SKIDA1: variants seen among roughly 807,000 people sequenced by gnomAD.
SKIDA1 encodes SKI/DACH domain containing 1.
Under a neutral mutation model 51.4 loss-of-function variants are expected in SKIDA1, and 18 were observed. The observed-to-expected ratio is 0.35, with a 90% CI of 0.24 to 0.52. The LOEUF (loss-of-function observed/expected upper bound fraction) is 0.52, where lower values mean the gene tolerates loss of function less well. Among genes scored for constraint, SKIDA1 ranks in the 20% least tolerant of loss-of-function variants. SKIDA1 has a pLI of 0.95. For synonymous variants in SKIDA1, 579 were observed against 500.5 expected (o/e 1.16, Z -2.09); for missense variants, 1,104 against 1,180.6 (o/e 0.94, Z 0.95).
In SKIDA1 at chr10:21,514,964, C is replaced by T. The variant is rs1264238365; in HGVS notation, c.*132G>A. On this transcript the variant is annotated 3_prime_UTR_variant, in exon 4 of 4. Coordinates refer to ENST00000449193, the MANE Select transcript of SKIDA1 (RefSeq NM_207371.4). Reference sequence around the variant, plus strand: ...CAACGGAAAAAAAGTAATCCGATTTCTGTCTTCAAAATGCGATAAACCAGG... The same window carrying T: ...CAACGGAAAAAAAGTAATCCGATTTTTGTCTTCAAAATGCGATAAACCAGG... 1.2e-6 allele frequency: 1 copy of T among 845,584 alleles called. No homozygotes were observed. Among genetic ancestry groups the T allele is most frequent in the Non-Finnish European group, 1.4e-6 (1 of 711,218 alleles). 52.4% of individuals were successfully genotyped at this position (845,584 alleles called of 1,614,324 possible). A position where few individuals can be genotyped will look rare whatever the true frequency, so the allele number is the denominator to read the frequency against.
rs1025909689 is a variant in SKIDA1, at chr10:21,514,191, G to C, written c.*905C>G. On this transcript the variant is annotated 3_prime_UTR_variant, in exon 4 of 4. Coordinates refer to ENST00000449193, the MANE Select transcript of SKIDA1 (RefSeq NM_207371.4). ...GATTGTGCCACTGCACTCCAGCCTG[G>C]GCGACACAGCGAGACTCTCTCCAAA... 1 of 144,214 alleles carries C rather than the reference G, an allele frequency of 6.9e-6. No homozygotes were observed. Among genetic ancestry groups the C allele is most frequent in the African/African-American group, 2.6e-5 (1 of 38,326 alleles). 8.9% of individuals were successfully genotyped at this position (144,214 alleles called of 1,614,324 possible). A position where few individuals can be genotyped will look rare whatever the true frequency, so the allele number is the denominator to read the frequency against.
In SKIDA1 at chr10:21,518,114, G is replaced by A; in HGVS notation, c.-292C>T. ...ACCATCCGGTTTCTGATCTGCCAGTGTGTTGGTCTGAGTCCCCGATGCAGA... is the reference window on the plus strand; with the variant it reads ...ACCATCCGGTTTCTGATCTGCCAGTATGTTGGTCTGAGTCCCCGATGCAGA... On this transcript the variant is annotated 5_prime_UTR_variant, in exon 4 of 4. Coordinates refer to ENST00000449193, the MANE Select transcript of SKIDA1 (RefSeq NM_207371.4). The A allele has an allele frequency of 2.8e-6, 1 of 352,484 alleles. No homozygotes were observed. The highest frequency in any genetic ancestry group is 5.5e-6 in the Non-Finnish European group (1 of 182,982). The allele number at this position is 352,484 out of a possible 1,614,324, so 21.8% of individuals were successfully genotyped here.
chr10:21,517,106 GGCGGCGGCGGCGGCA>G lies in SKIDA1; in HGVS notation c.702_716del (p.Ala240_Ala244del), dbSNP rs2032256847. On this transcript the variant is annotated inframe_deletion, in exon 4 of 4. Coordinates refer to ENST00000449193, the MANE Select transcript of SKIDA1 (RefSeq NM_207371.4). The surrounding 1 kb of genome is among the most constrained non-coding windows in gnomAD (Gnocchi z 6.9). ...CCTGGTAATAGGCGGCGGCGGCGGC[GGCGGCGGCGGCGGCA>G]GCAGCGGCGGCGGCGGCGGCGGCGG... 2 of 1,005,168 alleles carry G rather than the reference GGCGGCGGCGGCGGCA, an allele frequency of 2.0e-6. No individual in the cohort carries two copies. The highest frequency in any genetic ancestry group is 5.0e-4 in the Middle Eastern group (1 of 1,988). 62.3% of individuals were successfully genotyped at this position (1,005,168 alleles called of 1,614,324 possible).
Position 21,516,428 on chromosome 10 carries a change from T to G in SKIDA1, c.1395A>C (p.Arg465=). The G allele has an allele frequency of 6.2e-7, 1 of 1,613,196 alleles. No homozygotes were observed. Among genetic ancestry groups the G allele is most frequent in the African/African-American group, 1.3e-5 (1 of 75,012 alleles). Residue 465 remains arginine, a synonymous_variant, in exon 4 of 4, where the codon CGA becomes CGC. Coordinates refer to ENST00000449193, the MANE Select transcript of SKIDA1 (RefSeq NM_207371.4). The surrounding 1 kb of genome is among the most constrained non-coding windows in gnomAD (Gnocchi z 5.7). ...GSSQVSVQSI[R]FRRTSFCKPP... is the part of the protein sequence containing the mutation. ...GCTTGCAGAAGCTGGTGCGCCTGAA[T>G]CGGATGCTCTGCACTGACACTTGGC... is the stretch of plus-strand genomic sequence containing the variant.
Position 21,514,674 on chromosome 10 carries a change from AAC to A in SKIDA1, c.*420_*421del, listed in dbSNP as rs1461580974. ...TAACCTAACAAACTTTCACTGAATT[AAC>A]AGTTACACTTTCAGCTCTGAAATCT... is the stretch of plus-strand genomic sequence containing the variant. On this transcript the variant is annotated 3_prime_UTR_variant, in exon 4 of 4. Coordinates refer to ENST00000449193, the MANE Select transcript of SKIDA1 (RefSeq NM_207371.4). 6.3e-6 allele frequency: 1 copy of A among 157,818 alleles called. No homozygotes were observed. The highest frequency in any genetic ancestry group is 2.4e-5 in the African/African-American group (1 of 41,482). 9.8% of individuals were successfully genotyped at this position (157,818 alleles called of 1,614,324 possible). A position where few individuals can be genotyped will look rare whatever the true frequency, so the allele number is the denominator to read the frequency against.
At position 21,515,350 on chromosome 10, in the gene SKIDA1, C is replaced by T. The variant is rs1417101597; in HGVS notation, c.2473G>A (p.Val825Ile). The T allele has an allele frequency of 6.2e-7, 1 of 1,614,020 alleles. No homozygotes were observed. The highest frequency in any genetic ancestry group is 1.1e-5 in the South Asian group (1 of 91,086). The change falls in exon 4 of 4, where the codon GTT (valine) becomes ATT (isoleucine). Residue 825 changes from valine (V) to isoleucine (I), a missense_variant. By Grantham distance (29) the Val-to-Ile change is conservative. This residue lies in a region of SKIDA1 where 112 missense variants were observed against 168.3 expected (regional missense o/e 0.67). Transcript: ENST00000449193. ...TNEGTLDDFT[V>I]INRRKKVASN... ...GCTACCTTTTTGCGTCTGTTTATAA[C>T]TGTAAAATCATCCAGTGTTCCTTCA...
In SKIDA1 at chr10:21,517,035, C is replaced by G. The variant is rs868679098; in HGVS notation, c.788G>C (p.Gly263Ala). ...GCAGCGGTAGCTCAGGCTCCCCGGG[C>G]CTCCGGCGCCCGCCGCTGCCTTGGG... ...PQPKAAAGAGGPGSLSYRCKR... is the reference protein window; with the variant it reads ...PQPKAAAGAGAPGSLSYRCKR... The change falls in exon 4 of 4, where the codon GGC (glycine) becomes GCC (alanine). Residue 263 changes from glycine to alanine, a missense_variant. By Grantham distance (60) the Gly-to-Ala change is moderately conservative (BLOSUM62 0). This residue lies in a region of SKIDA1 where 938 missense variants were observed against 886.4 expected (regional missense o/e 1.06). Coordinates refer to ENST00000449193, the MANE Select transcript of SKIDA1 (RefSeq NM_207371.4). This position sits in a 1 kb window ranked among gnomAD's most constrained non-coding sequence, Gnocchi z 6.9. 4.0e-5 allele frequency: 41 copies of G among 1,032,158 alleles called. No homozygotes were observed. Among genetic ancestry groups the G allele is most frequent in the Middle Eastern group, 4.7e-4 (1 of 2,140 alleles). The allele number at this position is 1,032,158 out of a possible 1,614,324, so 63.9% of individuals were successfully genotyped here.
chr10:21,525,044 C>T (rs1316439043), intron 1 of SKIDA1, among the ~76,000 whole-genome samples: 3 of 152,194 alleles, frequency 2.0e-5, no homozygotes, highest in African/African-American at 7.2e-5. Flanking sequence ...CAACTTGCAG[C>T]AGAAGTTGCT....
At position 21,518,810 on chromosome 10, in the gene SKIDA1, C is replaced by T. The variant is rs2032316358; in HGVS notation, c.-988G>A. Reference sequence around the variant, plus strand: ...AAAGTTAAACCCGCCCCGTGAACCACCCCAGTGCGGACTTACGTTTGGAAT... The same window carrying T: ...AAAGTTAAACCCGCCCCGTGAACCATCCCAGTGCGGACTTACGTTTGGAAT... On this transcript the variant is annotated 5_prime_UTR_variant, in exon 4 of 4. It adds an upstream start codon to the 5' untranslated region. Coordinates refer to ENST00000449193, the MANE Select transcript of SKIDA1 (RefSeq NM_207371.4). The T allele has an allele frequency of 6.0e-6, 1 of 166,572 alleles. No individual in the cohort carries two copies. The highest frequency in any genetic ancestry group is 1.5e-5 in the Non-Finnish European group (1 of 68,058). 10.3% of individuals were successfully genotyped at this position (166,572 alleles called of 1,614,324 possible).
Position 21,517,545 on chromosome 10 carries a change from G to T in SKIDA1, c.278C>A (p.Thr93Asn). The change falls in exon 4 of 4, where the codon ACC becomes AAC. Residue 93 changes from threonine (T) to asparagine (N), a missense_variant. Physicochemically the swap from Thr to Asn is moderately conservative, Grantham distance 65. Transcript: ENST00000449193. This position sits in a 1 kb window ranked among gnomAD's most constrained non-coding sequence, Gnocchi z 6.9. The part of the protein sequence containing the change: ...ISREDVEALY[T>N]SCKTERVLKT... ...GAGGACGCGCTCGGTTTTGCAGGAGGTGTAGAGCGCTTCCACGTCTTCCCG... is the reference window on the plus strand; with the variant it reads ...GAGGACGCGCTCGGTTTTGCAGGAGTTGTAGAGCGCTTCCACGTCTTCCCG... 6.3e-7 allele frequency: 1 copy of T among 1,599,394 alleles called. No individual in the cohort carries two copies. Among genetic ancestry groups the T allele is most frequent in the South Asian group, 1.1e-5 (1 of 89,044 alleles).
chr10:21,521,261 T>C, intron 3 of SKIDA1, 128 bp downstream of exon 3: 1 of 152,472 alleles, frequency 6.6e-6, no homozygotes. Context: ...ACACCGGGGA[T>C]TTCGATCAAT....
chr10:21,516,478 C>T lies in SKIDA1; in HGVS notation c.1345G>A (p.Glu449Lys). 1.2e-6 allele frequency: 2 copies of T among 1,609,710 alleles called. No individual in the cohort carries two copies. Among genetic ancestry groups the T allele is most frequent in the Non-Finnish European group, 1.7e-6 (2 of 1,178,718 alleles). ...VSSEEEDSST[E>K]SDSSSGSSQV... ...CTGGAGCCGGAGCTGGAGTCCGACT[C>T]GGTGGACGAGTCCTCCTCCTCCGAG... The change falls in exon 4 of 4, where the codon GAG (glutamate) becomes AAG (lysine). Residue 449 changes from glutamate to lysine, a missense_variant. By Grantham distance (56) the Glu-to-Lys change is moderately conservative. Coordinates refer to ENST00000449193, the MANE Select transcript of SKIDA1 (RefSeq NM_207371.4). The surrounding 1 kb of genome is among the most constrained non-coding windows in gnomAD (Gnocchi z 5.7).
intron 3 of SKIDA1, among the ~76,000 whole-genome samples, chr10:21,520,910 C>T (rs2131275135): frequency 6.6e-6 from 1 of 152,144 alleles, no homozygotes; most frequent in East Asian, 1.9e-4. Context: ...TCTATATGTA[C>T]ACTCAGACAC....
In SKIDA1 at chr10:21,518,215, A is replaced by G. The variant is rs959921724; in HGVS notation, c.-393T>C. ...AATGGAATGTGAAGGGAGAAAGAGA[A>G]AAGAAATGCAGCTGCTATTCCCGCC... is the stretch of plus-strand genomic sequence containing the variant. On this transcript the variant is annotated 5_prime_UTR_variant, in exon 4 of 4. Transcript: ENST00000449193. The G allele has an allele frequency of 1.1e-5, 2 of 177,242 alleles. No homozygotes were observed. Among genetic ancestry groups the G allele is most frequent in the Admixed American group, 1.3e-4 (2 of 15,620 alleles). The allele number at this position is 177,242 out of a possible 1,614,324, so 11.0% of individuals were successfully genotyped here. A position where few individuals can be genotyped will look rare whatever the true frequency, so the allele number is the denominator to read the frequency against.
At chr10:21,524,459 G>A (rs1383566122) in intron 1 of SKIDA1, among the ~76,000 whole-genome samples, 1 of 151,760 alleles carries the variant, frequency 6.6e-6, no homozygotes, top group Admixed American at 6.6e-5. Flanking sequence ...AAAAAATTTC[G>A]GGGTATTTGT....
In SKIDA1 at chr10:21,516,373, A is replaced by G; in HGVS notation, c.1450T>C (p.Leu484=). ...GCGGCGGCGGAGGCCAGATGGTACAAGAAGTTGGCCTGCGCCTGCACGCTG... is the reference window on the plus strand; with the variant it reads ...GCGGCGGCGGAGGCCAGATGGTACAGGAAGTTGGCCTGCGCCTGCACGCTG... ...PPSVQAQANF[L]YHLASAAAAT... The change falls in exon 4 of 4, where the codon TTG becomes CTG. Residue 484 remains leucine (L), a synonymous_variant. Coordinates refer to ENST00000449193, the MANE Select transcript of SKIDA1 (RefSeq NM_207371.4). The surrounding 1 kb of genome is among the most constrained non-coding windows in gnomAD (Gnocchi z 5.7). 1 of 1,613,348 alleles carries G rather than the reference A, an allele frequency of 6.2e-7. No individual in the cohort carries two copies. Among genetic ancestry groups the G allele is most frequent in the African/African-American group, 1.3e-5 (1 of 75,012 alleles).
intron 2 of SKIDA1, 64 bp from the exon 3 acceptor site, chr10:21,521,544 A>C (rs1385536420): frequency 6.6e-6 from 1 of 152,572 alleles, no homozygotes; most frequent in Non-Finnish European, 1.5e-5. Context: ...AAGAAAAGAT[A>C]TATCAACTTC....
At chr10:21,523,071 AAGG>A (rs1183341877) in intron 2 of SKIDA1, among the ~76,000 whole-genome samples, 1 of 152,220 alleles carries the variant, frequency 6.6e-6, no homozygotes, top group Non-Finnish European at 1.5e-5. Flanking sequence ...CATAGGAGAC[AAGG>A]AGGTTATAGA....
rs199700139 is a variant in SKIDA1, at chr10:21,516,138, T to A, written c.1685A>T (p.Asn562Ile). 6.2e-7 allele frequency: 1 copy of A among 1,614,048 alleles called. No homozygotes were observed. Among genetic ancestry groups the A allele is most frequent in the South Asian group, 1.1e-5 (1 of 91,088 alleles). The change falls in exon 4 of 4, where the codon AAT (asparagine) becomes ATT (isoleucine). Residue 562 changes from asparagine (N) to isoleucine (I), a missense_variant. Physicochemically the swap from Asn to Ile is moderately radical, Grantham distance 149. This residue lies in a region of SKIDA1 where 938 missense variants were observed against 886.4 expected (regional missense o/e 1.06). Transcript: ENST00000449193. The surrounding 1 kb of genome is among the most constrained non-coding windows in gnomAD (Gnocchi z 5.7). The stretch of plus-strand genomic sequence containing the variant: ...TGTCAGGTCAGTTCTCTTTACAGCA[T>A]TGGAAATTTCAGAGTGTGGGAATGT... Reference protein sequence around the residue: ...EITFPHSEISNAVKRTDLTIN... With the variant: ...EITFPHSEISIAVKRTDLTIN...
Sources: gnomAD v4.1 joint callset for allele counts (sites outside exome capture counted in the v4.1 genomes callset) on GRCh38, gnomAD v4.1.1 for gene constraint, gnomAD v4.1.1 regional missense constraint, Gnocchi (gnomAD v3.1) non-coding constraint, MANE v1.5 for transcripts, NCBI Gene and HGNC (gene_info 2026-07-23, HGNC 2026-07-21) for gene names.